The following LRFN2 variants were observed in gnomAD, a reference collection of about 807,000 sequenced individuals.
The protein encoded by LRFN2 is leucine rich repeat and fibronectin type III domain containing 2.
A neutral mutation model predicts 37.3 loss-of-function variants in LRFN2; 18 were observed. The observed-to-expected ratio is 0.48, with a 90% CI of 0.33 to 0.72. The LOEUF is 0.72. Ranked by LOEUF, LRFN2 falls within the 30% of genes least tolerant of loss-of-function variation. LRFN2 has a pLI of 0.02. For missense variants in LRFN2, 1,006 were observed against 1,060.7 expected (o/e 0.95, Z 0.72); for synonymous variants, 556 against 466.6 (o/e 1.19, Z -2.47).
chr6:40,432,742 G>A lies in LRFN2; in HGVS notation c.372C>T (p.Val124=). The A allele has an allele frequency of 1.2e-6, 2 of 1,614,184 alleles. No individual in the cohort carries two copies. Residue 124 remains valine (V), a synonymous_variant, in exon 2 of 3, where the codon GTC becomes GTT. Coordinates refer to ENST00000338305, the MANE Select transcript of LRFN2 (RefSeq NM_020737.3). ...TGTTCACGATAAGGTGCTGCAGGTT[G>A]ACCAGGCCCCGGAGGGTGTCCTCCC... The part of the protein sequence containing the change: ...SLGEDTLRGL[V]NLQHLIVNNN...
intron 1 of LRFN2, among the ~76,000 whole-genome samples, chr6:40,535,195 C>T (rs541873218): frequency 6.6e-6 from 1 of 152,298 alleles, no homozygotes; most frequent in South Asian, 2.1e-4. Flanking sequence ...AACCTGTGAT[C>T]CCTCTGGGTC....
intron 2 of LRFN2, among the ~76,000 whole-genome samples, chr6:40,397,261 C>T (rs75619752): frequency 6.6e-6 from 1 of 152,198 alleles, no homozygotes; most frequent in Non-Finnish European, 1.5e-5. Context: ...CACTCCTGCT[C>T]ACAACCCATC....
chr6:40,477,164 T>C (rs1185553061), intron 1 of LRFN2, among the ~76,000 whole-genome samples: 2 of 152,168 alleles, frequency 1.3e-5, no homozygotes, highest in Non-Finnish European at 2.9e-5. Flanking sequence ...CCAGAGTATT[T>C]TGGATATTTT....
intron 1 of LRFN2, among the ~76,000 whole-genome samples, chr6:40,551,846 CCAA>C (rs1358009969): frequency 6.6e-6 from 1 of 152,078 alleles, no homozygotes; most frequent in East Asian, 1.9e-4. Flanking sequence ...CTCTGACATA[CCAA>C]CATGATAGAA....
intron 1 of LRFN2, among the ~76,000 whole-genome samples, chr6:40,504,135 C>T (rs192109507): frequency 1.3e-5 from 2 of 152,212 alleles, no homozygotes; most frequent in East Asian, 1.9e-4. Context: ...AGAAGAGACC[C>T]GCCCAGAACC....
chr6:40,392,549 G>A lies in LRFN2; in HGVS notation c.1764C>T (p.Ser588=), dbSNP rs748669770. The A allele has an allele frequency of 6.3e-7, 1 of 1,592,158 alleles. No homozygotes were observed. The highest frequency in any genetic ancestry group is 1.1e-5 in the South Asian group (1 of 89,632). The change falls in exon 3 of 3, where the codon AGC becomes AGT. Residue 588 remains serine, a synonymous_variant. Transcript: ENST00000338305. This position sits in a 1 kb window ranked among gnomAD's most constrained non-coding sequence, Gnocchi z 4.7. The part of the protein sequence containing the change: ...QTNGAQPPPP[S]SAPAGAPPQG... ...GCGGCGGGGCCCCGGCTGGTGCGCT[G>A]CTTGGAGGCGGTGGCTGGGCGCCGT...
At chr6:40,429,243 G>T (rs1763422568) in intron 2 of LRFN2, among the ~76,000 whole-genome samples, 1 of 152,180 alleles carries the variant, frequency 6.6e-6, no homozygotes, top group Non-Finnish European at 1.5e-5. Flanking sequence ...AGTGATTACA[G>T]GAGTCTACCC....
At position 40,448,801 on chromosome 6, in the gene LRFN2, G is replaced by A. The variant is rs140757841; in HGVS notation, c.-18-15670C>T. ...AGAACCAAGGAAGCTGAACACTTCC[G>A]GCTTCAATTCCCTTGCAGAGCTGGA... On this transcript the variant is annotated intron_variant, in intron 1 of 2. Coordinates refer to ENST00000338305, the MANE Select transcript of LRFN2 (RefSeq NM_020737.3). Among the ~76,000 whole-genome samples, 154 of 152,322 alleles carry A rather than the reference G, an allele frequency of 1.0e-3. 1 individual carries two copies. The highest frequency in any genetic ancestry group is 3.2e-3 in the African/African-American group (133 of 41,568).
At chr6:40,543,843 C>G (rs1766601144) in intron 1 of LRFN2, among the ~76,000 whole-genome samples, 1 of 152,216 alleles carries the variant, frequency 6.6e-6, no homozygotes, top group African/African-American at 2.4e-5. Flanking sequence ...AAATACAGTG[C>G]TCCTGTTGAG....
intron 1 of LRFN2, among the ~76,000 whole-genome samples, chr6:40,579,687 G>A (rs753864913): frequency 5.9e-5 from 9 of 151,918 alleles, no homozygotes; most frequent in African/African-American, 1.9e-4. Context: ...ACTTGGAACC[G>A]CCACCCCCAA....
intron 1 of LRFN2, among the ~76,000 whole-genome samples, chr6:40,499,959 C>T (rs766220474): frequency 1.3e-5 from 2 of 152,212 alleles, no homozygotes; most frequent in African/African-American, 4.8e-5. Context: ...ATCTGCAGTT[C>T]GTATGTATTT....
chr6:40,466,351 G>A (rs1044498291), intron 1 of LRFN2, among the ~76,000 whole-genome samples: 1 of 152,160 alleles, frequency 6.6e-6, no homozygotes, highest in African/African-American at 2.4e-5. Context: ...CAATTTTAGG[G>A]GAGGTTCCAG....
chr6:40,482,346 A>T (rs1288410091), intron 1 of LRFN2, among the ~76,000 whole-genome samples: 1 of 152,132 alleles, frequency 6.6e-6, no homozygotes, highest in Non-Finnish European at 1.5e-5. Flanking sequence ...ACACAGATGG[A>T]TGGACCAGAG....
intron 1 of LRFN2, among the ~76,000 whole-genome samples, chr6:40,571,784 G>A (rs1488660822): frequency 6.6e-6 from 1 of 152,306 alleles, no homozygotes; most frequent in Non-Finnish European, 1.5e-5. Flanking sequence ...ACAGGAAAGG[G>A]GGAAGAGCCT....
At chr6:40,451,986 C>T (rs1300281730) in intron 1 of LRFN2, among the ~76,000 whole-genome samples, 1 of 152,172 alleles carries the variant, frequency 6.6e-6, no homozygotes, top group Non-Finnish European at 1.5e-5. Flanking sequence ...CTTTTTACTT[C>T]CAAGGGTATC....
intron 1 of LRFN2, among the ~76,000 whole-genome samples, chr6:40,482,764 C>G (rs571191212): frequency 2.6e-5 from 4 of 152,282 alleles, no homozygotes; most frequent in African/African-American, 9.6e-5. Context: ...CCCTGCCTCC[C>G]CCTCCTGGCC....
intron 1 of LRFN2, among the ~76,000 whole-genome samples, chr6:40,448,502 C>A (rs1296494626): frequency 6.6e-6 from 1 of 152,136 alleles, no homozygotes; most frequent in African/African-American, 2.4e-5. Flanking sequence ...AAAATGAAAT[C>A]TTTGCATCCT....
At chr6:40,412,332 A>G (rs56382632) in intron 2 of LRFN2, among the ~76,000 whole-genome samples, 18,296 of 152,156 alleles carry the variant, frequency 0.12, 1,184 homozygotes, top group African/African-American at 0.14. Flanking sequence ...TGAGTTAATG[A>G]ATTATTTATC....
intron 1 of LRFN2, among the ~76,000 whole-genome samples, chr6:40,459,032 C>T (rs983581490): frequency 6.6e-6 from 1 of 152,218 alleles, no homozygotes; most frequent in Admixed American, 6.5e-5. Context: ...GATGCTACAA[C>T]AAATGTTTTA....
Sources: allele counts gnomAD v4.1 joint callset (sites outside exome capture counted in the v4.1 genomes callset), GRCh38; gene constraint gnomAD v4.1.1; non-coding constraint Gnocchi (gnomAD v3.1); transcripts MANE v1.5; gene names NCBI Gene and HGNC (gene_info 2026-07-23, HGNC 2026-07-21).